Variants in MYT1L observed in about 807,000 individuals in gnomAD.
MYT1L encodes the protein myelin transcription factor 1 like, also known as myelin transcription factor 1-like protein.
A neutral mutation model predicts 126.7 loss-of-function variants in MYT1L; 12 were observed. The observed-to-expected ratio is 0.09, with a 90% CI of 0.06 to 0.15. The LOEUF is 0.15. Ranked by LOEUF, MYT1L falls within the 10% of genes least tolerant of loss-of-function variation. MYT1L has a pLI of 1.00. For synonymous variants in MYT1L, 541 were observed against 604.2 expected, an observed-to-expected ratio of 0.90 and a Z score of 1.53; for missense variants, 979 against 1,585.2, an observed-to-expected ratio of 0.62 and a Z score of 6.49.
intron 3 of MYT1L, among the ~76,000 whole-genome samples, chr2:2,158,844 G>C (rs2087246346): frequency 6.6e-6 from 1 of 152,142 alleles, no homozygotes; most frequent in South Asian, 2.1e-4. Context: ...GGCAGACCCA[G>C]AGCCTCTGCT....
intron 14 of MYT1L, among the ~76,000 whole-genome samples, chr2:1,898,421 A>C (rs149171492): frequency 1.6e-4 from 25 of 152,326 alleles, no homozygotes; most frequent in African/African-American, 6.0e-4. Context: ...CTGTGGGATG[A>C]CATCTCCAAG....
intron 2 of MYT1L, among the ~76,000 whole-genome samples, chr2:2,247,912 T>A (rs1036401794): frequency 6.6e-6 from 1 of 152,074 alleles, no homozygotes; most frequent in African/African-American, 2.4e-5. Flanking sequence ...AATTTATAGC[T>A]GTAAGTGCTT....
chr2:1,812,702 C>A (rs762273320), intron 21 of MYT1L, among the ~76,000 whole-genome samples: 37 of 151,982 alleles, frequency 2.4e-4, no homozygotes, highest in Non-Finnish European at 1.9e-4. Flanking sequence ...ATGGTGAAAC[C>A]CTGTCTCTAC....
rs145558542 is a variant in MYT1L at position 2,108,548 on chromosome 2, T to A, written c.-303-54425A>T. ...GAGACAATTCAAAGACCTTCAAATA[T>A]CTTTGAATTCTCCTATCACACCAAA... On this transcript the variant is annotated intron_variant, in intron 3 of 24. Transcript: ENST00000647738. 3.7e-3 allele frequency among the ~76,000 whole-genome samples: 557 copies of A among 152,342 alleles called. 1 individual carries two copies. The highest frequency in any genetic ancestry group is 7.0e-3 in the South Asian group (34 of 4,826).
chr2:1,934,030 A>G (rs192675370), intron 9 of MYT1L, among the ~76,000 whole-genome samples: 2 of 134,030 alleles, frequency 1.5e-5, no homozygotes, highest in Non-Finnish European at 3.0e-5. Flanking sequence ...GCTGGAGTGC[A>G]GTGGTGCGAT....
At chr2:2,017,033 G>A (rs1226233761) in intron 4 of MYT1L, among the ~76,000 whole-genome samples, 1 of 152,234 alleles carries the variant, frequency 6.6e-6, no homozygotes, top group Non-Finnish European at 1.5e-5. Context: ...CAGCTGTGCT[G>A]CCTCCCCTGA....
chr2:1,984,505 ATTTTTTT>A (rs35510686), intron 5 of MYT1L, among the ~76,000 whole-genome samples: 4 of 114,280 alleles, frequency 3.5e-5, no homozygotes, highest in African/African-American at 1.1e-4. Flanking sequence ...CCAAGAACTA[ATTTTTTT>A]TTTTTTTTTT....
At chr2:2,034,149 T>C (rs984294983) in intron 4 of MYT1L, among the ~76,000 whole-genome samples, 3 of 152,154 alleles carry the variant, frequency 2.0e-5, no homozygotes, top group Non-Finnish European at 2.9e-5. Context: ...GTAGGGACAT[T>C]GAAGGGAAAG....
intron 21 of MYT1L, among the ~76,000 whole-genome samples, chr2:1,822,223 C>G (rs1360610291): frequency 5.9e-5 from 9 of 152,142 alleles, no homozygotes; most frequent in Admixed American, 5.9e-4. Flanking sequence ...GTCTGCACTT[C>G]CCTTCCTTAT....
intron 3 of MYT1L, among the ~76,000 whole-genome samples, chr2:2,122,870 TGTGA>T (rs1402385615): frequency 2.3e-4 from 29 of 126,496 alleles, no homozygotes; most frequent in East Asian, 1.6e-3. Flanking sequence ...TGTGTGTGTG[TGTGA>T]GAGAGAGAGA....
chr2:2,248,528 G>A (rs2094576817), intron 2 of MYT1L, among the ~76,000 whole-genome samples: 1 of 152,060 alleles, frequency 6.6e-6, no homozygotes, highest in Non-Finnish European at 1.5e-5. Context: ...CTCCTTCTAT[G>A]AGGCCAGTAT....
At chr2:1,956,574 TTCTATCTATCTATCTATCTATCTA>T (rs72311419) in intron 8 of MYT1L, among the ~76,000 whole-genome samples, 17 of 101,592 alleles carry the variant, frequency 1.7e-4, no homozygotes, top group Non-Finnish European at 2.3e-4. Flanking sequence ...ATATTTCCTA[TTCTATCTATCTATCTATCTATCTA>T]TCTATCTATC....
chr2:2,304,500 C>T (rs2095832546), intron 1 of MYT1L, among the ~76,000 whole-genome samples: 1 of 152,194 alleles, frequency 6.6e-6, no homozygotes, highest in African/African-American at 2.4e-5. Context: ...CCTCATCATC[C>T]TCTTCATTTT....
intron 3 of MYT1L, among the ~76,000 whole-genome samples, chr2:2,120,802 G>A (rs1472094847): frequency 6.6e-6 from 1 of 152,126 alleles, no homozygotes; most frequent in East Asian, 1.9e-4. Flanking sequence ...ACACGTGTGT[G>A]TGTATTATCC....
intron 8 of MYT1L, among the ~76,000 whole-genome samples, chr2:1,967,836 C>CT (rs1201229331): frequency 6.6e-6 from 1 of 152,132 alleles, no homozygotes; most frequent in African/African-American, 2.4e-5. Context: ...TGGGACGTTG[C>CT]TGTTATTACC....
chr2:2,302,887 T>G (rs941865414), intron 1 of MYT1L, among the ~76,000 whole-genome samples: 1 of 152,230 alleles, frequency 6.6e-6, no homozygotes, highest in Admixed American at 6.5e-5. Context: ...AAGGCACTTT[T>G]GGCTTTTAGT....
At chr2:1,939,895 A>G (rs1558472153) in intron 9 of MYT1L, among the ~76,000 whole-genome samples, 1 of 152,240 alleles carries the variant, frequency 6.6e-6, no homozygotes, top group Non-Finnish European at 1.5e-5. Context: ...AGCCTTCGTG[A>G]GCGTGTCTCC....
chr2:1,990,483 A>C (rs2061372164), intron 5 of MYT1L, among the ~76,000 whole-genome samples: 1 of 152,210 alleles, frequency 6.6e-6, no homozygotes, highest in Non-Finnish European at 1.5e-5. Context: ...ACTCAGCACC[A>C]AAATAGAAAA....
At chr2:2,113,817 C>T (rs1415081312) in intron 3 of MYT1L, among the ~76,000 whole-genome samples, 2 of 151,922 alleles carry the variant, frequency 1.3e-5, no homozygotes, top group South Asian at 2.1e-4. Flanking sequence ...CTCCATTACA[C>T]AGATAGGAAA....
Sources: allele counts gnomAD v4.1 joint callset (sites outside exome capture counted in the v4.1 genomes callset), GRCh38; gene constraint gnomAD v4.1.1; transcripts MANE v1.5; gene names NCBI Gene and HGNC (gene_info 2026-07-23, HGNC 2026-07-21).